Variants in NCOR2 observed in about 807,000 individuals in gnomAD.
The protein encoded by NCOR2 is CTG repeat protein 26.
Under a neutral mutation model 262.9 loss-of-function variants are expected in NCOR2, and 81 were observed. The ratio of observed to expected loss-of-function variants is 0.31; its 90% CI spans 0.26 to 0.37. The LOEUF (loss-of-function observed/expected upper bound fraction) is 0.37. Among genes scored for constraint, NCOR2 ranks in the 10% least tolerant of loss-of-function variants. The pLI, the probability that NCOR2 is intolerant of heterozygous loss-of-function variation, is 1.00. For synonymous variants in NCOR2, 1,659 were observed against 1,559.3 expected, an observed-to-expected ratio of 1.06 and a Z score of -1.51; for missense variants, 3,385 against 3,621.4, an observed-to-expected ratio of 0.93 and a Z score of 1.68.
At chr12:124,325,377 GCCCCCC>G in exon 47 of NCOR2, 4 of 246,786 alleles carry the variant, frequency 1.6e-5, no homozygotes, top group Non-Finnish European at 2.6e-5. Flanking sequence ...ACCTGACACC[GCCCCCC>G]CCCCCGCCCT....
chr12:124,395,369 C>G (rs762603347), intron 16 of NCOR2, among the ~76,000 whole-genome samples: 17 of 152,144 alleles, frequency 1.1e-4, no homozygotes, highest in Non-Finnish European at 1.5e-4. Context: ...GAACACACAG[C>G]CATTAGCAGC....
chr12:124,468,909 C>CT (rs200460675), intron 4 of NCOR2, among the ~76,000 whole-genome samples: 1 of 39,500 alleles, frequency 2.5e-5, no homozygotes. Context: ...CCTCATCACC[C>CT]CATCATCCTC....
At chr12:124,530,895 G>T (rs1473150891) in intron 1 of NCOR2, among the ~76,000 whole-genome samples, 1 of 152,222 alleles carries the variant, frequency 6.6e-6, no homozygotes, top group African/African-American at 2.4e-5. Flanking sequence ...GGACAGAGCT[G>T]GCCAGGATTC....
In NCOR2 at chr12:124,549,799, G is replaced by A. The variant is rs894877547; in HGVS notation, c.-164-14188C>T. 1.3e-5 allele frequency among the ~76,000 whole-genome samples: 2 copies of A among 152,208 alleles called. No homozygotes were observed. Among genetic ancestry groups the A allele is most frequent in the Non-Finnish European group, 2.9e-5 (2 of 68,028 alleles). Reference sequence around the variant, plus strand: ...TTTCACGGAGGGAGAGAGGGCGGCAGGAACGGGGCCTTGAGTCACCACCCT... The same window carrying A: ...TTTCACGGAGGGAGAGAGGGCGGCAAGAACGGGGCCTTGAGTCACCACCCT... On this transcript the variant is annotated intron_variant, in intron 1 of 32. Transcript: ENST00000458234. This position sits in a 1 kb window ranked among gnomAD's most constrained non-coding sequence, Gnocchi z 4.4.
rs746819484 is a variant in NCOR2 at position 124,336,645 on chromosome 12, G to A, written c.6115+108C>T. 667 of 1,513,562 alleles carry A rather than the reference G, an allele frequency of 4.4e-4. 1 individual carries two copies. The highest frequency in any genetic ancestry group is 5.5e-4 in the Non-Finnish European group (621 of 1,131,522). The allele number at this position is 1,513,562 out of a possible 1,614,324, so 93.8% of individuals were successfully genotyped here. A position where few individuals can be genotyped will look rare whatever the true frequency, so the allele number is the denominator to read the frequency against. ...TGCGGGCCGGAAGTCTTACCATCGC[G>A]AGGGGAGCCGTTGGCCAGCGCACCT... On this transcript the variant is annotated intron_variant, in intron 38 of 46. Transcript: ENST00000405201.
exon 31 of NCOR2, chr12:124,346,581 CCTT>C (rs1156255476): frequency 1.0e-5 from 16 of 1,568,150 alleles, no homozygotes; most frequent in Middle Eastern, 4.0e-4. Context: ...ATGGAGCCCT[CCTT>C]GAGCGGCCGC....
At chr12:124,419,484 C>T (rs1294994408) in intron 13 of NCOR2, among the ~76,000 whole-genome samples, 3 of 152,284 alleles carry the variant, frequency 2.0e-5, no homozygotes, top group Admixed American at 1.3e-4. Context: ...CAAGCAACGG[C>T]GTCTGAAAAA....
At chr12:124,400,558 T>C in exon 15 of NCOR2, 3 of 1,614,198 alleles carry the variant, frequency 1.9e-6, no homozygotes, top group Admixed American at 1.7e-5. Context: ...TCATTAGCCA[T>C]TGAGCGGGTG....
At chr12:124,360,200 G>A (rs375331312) in intron 22 of NCOR2, among the ~76,000 whole-genome samples, 68 of 152,234 alleles carry the variant, frequency 4.5e-4, no homozygotes, top group African/African-American at 1.2e-3. Flanking sequence ...CCGGGCTGGC[G>A]CCCCAAACCT....
intron 1 of NCOR2, among the ~76,000 whole-genome samples, chr12:124,525,213 G>A (rs1369076426): frequency 6.6e-6 from 1 of 152,130 alleles, no homozygotes; most frequent in Non-Finnish European, 1.5e-5. Context: ...GAAACATGGT[G>A]GCCGGAGGGC....
At chr12:124,469,092 C>T (rs1371585993) in intron 4 of NCOR2, among the ~76,000 whole-genome samples, 1 of 151,886 alleles carries the variant, frequency 6.6e-6, no homozygotes. Flanking sequence ...TGCTTCATAG[C>T]AAGAGGGAGG....
chr12:124,454,305 T>A lies in NCOR2; in HGVS notation c.762+2801A>T, dbSNP rs573222423. Among the ~76,000 whole-genome samples the A allele has an allele frequency of 6.6e-5, 10 of 152,270 alleles. No homozygotes were observed. The highest frequency in any genetic ancestry group is 1.5e-4 in the Non-Finnish European group (10 of 68,010). On this transcript the variant is annotated intron_variant, in intron 6 of 46. Coordinates refer to ENST00000405201, the Ensembl canonical transcript of NCOR2. This position sits in a 1 kb window ranked among gnomAD's most constrained non-coding sequence, Gnocchi z 5.6. Reference sequence around the variant, plus strand: ...ACTGACTGGCACCAAGCCAGGGGCCTTCAAGAGTCCAAACACTAGATCTTA... The same window carrying A: ...ACTGACTGGCACCAAGCCAGGGGCCATCAAGAGTCCAAACACTAGATCTTA...
At chr12:124,394,321 G>A (rs1347777147) in intron 16 of NCOR2, among the ~76,000 whole-genome samples, 1 of 152,224 alleles carries the variant, frequency 6.6e-6, no homozygotes, top group Non-Finnish European at 1.5e-5. Flanking sequence ...AGGTCAGGGG[G>A]CTAAGGAGCT....
chr12:124,430,976 A>C (rs1190486348), intron 8 of NCOR2, among the ~76,000 whole-genome samples, 189 bp from the exon 11 acceptor site: 1 of 151,938 alleles, frequency 6.6e-6, no homozygotes, highest in Non-Finnish European at 1.5e-5. Context: ...ATACAGTCAG[A>C]TACACACAGG....
intron 1 of NCOR2, among the ~76,000 whole-genome samples, chr12:124,511,092 G>C (rs2049369032): frequency 6.6e-6 from 1 of 152,236 alleles, no homozygotes; most frequent in African/African-American, 2.4e-5. Flanking sequence ...CAAAATCGCA[G>C]ACGTGGAGCT....
At chr12:124,558,556 G>C (rs2051961698) in intron 1 of NCOR2, among the ~76,000 whole-genome samples, 1 of 152,206 alleles carries the variant, frequency 6.6e-6, no homozygotes, top group South Asian at 2.1e-4. Context: ...GGGCCATCGA[G>C]AGGTGGCTGG....
intron 13 of NCOR2, among the ~76,000 whole-genome samples, chr12:124,411,027 G>A (rs981000893): frequency 6.7e-6 from 1 of 148,446 alleles, no homozygotes; most frequent in African/African-American, 2.5e-5. Flanking sequence ...GGGACAGGGT[G>A]AGGAGGGGAG....
intron 1 of NCOR2, among the ~76,000 whole-genome samples, chr12:124,507,859 C>T (rs759398061): frequency 6.6e-6 from 1 of 152,264 alleles, no homozygotes; most frequent in Non-Finnish European, 1.5e-5. Context: ...ACTTCCCTGC[C>T]TCCAACATCT....
chr12:124,354,825 C>G lies in NCOR2; in HGVS notation c.3484+12G>C. 6.2e-7 allele frequency: 1 copy of G among 1,611,514 alleles called. No homozygotes were observed. Among genetic ancestry groups the G allele is most frequent in the South Asian group, 1.1e-5 (1 of 90,928 alleles). ...GCCTGAGCCACCCAGACGGATGGGC[C>G]AGGAGCCTTACCCAGCTTTTTGGGG... On this transcript the variant is annotated intron_variant, in intron 25 of 46. Transcript: ENST00000405201.
Sources: gnomAD v4.1 joint callset for allele counts (sites outside exome capture counted in the v4.1 genomes callset) on GRCh38, gnomAD v4.1.1 for gene constraint, Gnocchi (gnomAD v3.1) non-coding constraint, MANE v1.5 for transcripts, NCBI Gene and HGNC (gene_info 2026-07-23, HGNC 2026-07-21) for gene names.